Variants in ACACB observed in about 807,000 individuals in gnomAD.
ACACB encodes the protein acetyl-CoA carboxylase beta.
Under a neutral mutation model 278.8 loss-of-function variants are expected in ACACB, and 209 were observed. The observed-to-expected ratio is 0.75, with a 90% CI of 0.67 to 0.84. ACACB has a LOEUF of 0.84. ACACB is among the 40% of genes least tolerant of loss of function. The probability of loss-of-function intolerance (pLI) is 0.00; values close to 1 mark genes in which losing one functional copy is unlikely to be tolerated. For synonymous variants in ACACB, 1,174 were observed against 1,285.6 expected, an observed-to-expected ratio of 0.91 and a Z score of 1.86; for missense variants, 2,850 against 3,269.0, an observed-to-expected ratio of 0.87 and a Z score of 3.13.
In ACACB at chr12:109,223,900, T is replaced by TGGAGGTAAGCAGGAGAGGCCC; in HGVS notation, c.3879_3882+17dup. 6.8e-6 allele frequency: 11 copies of TGGAGGTAAGCAGGAGAGGCCC among 1,613,896 alleles called. No homozygotes were observed. Among genetic ancestry groups the TGGAGGTAAGCAGGAGAGGCCC allele is most frequent in the Non-Finnish European group, 9.3e-6 (11 of 1,179,770 alleles). ...AACAAAGTCGTGTGCATGGCGTCCT[T>TGGAGGTAAGCAGGAGAGGCCC]GGAGGTAAGCAGGAGAGGCCCAGAG... On this transcript the variant is annotated inframe_insertion, in exon 27 of 53. Transcript: ENST00000338432.
intron 28 of ACACB, among the ~76,000 whole-genome samples, chr12:109,227,756 G>A (rs1221980971): frequency 1.3e-5 from 2 of 152,260 alleles, no homozygotes; most frequent in Non-Finnish European, 2.9e-5. Flanking sequence ...ACATGGGCCA[G>A]GCGCGGTGGC....
intron 1 of ACACB, among the ~76,000 whole-genome samples, chr12:109,133,849 ATATATATATATATATTTTTTTT>A (rs2042894074): frequency 2.3e-5 from 1 of 43,980 alleles, no homozygotes. Flanking sequence ...ATATATATAT[ATATATATATATATATTTTTTTT>A]TTTTTTTTTT....
At chr12:109,239,175 A>G (rs948338314) in intron 34 of ACACB, among the ~76,000 whole-genome samples, 1 of 152,122 alleles carries the variant, frequency 6.6e-6, no homozygotes, top group Admixed American at 6.5e-5. Context: ...CGGCCTCCCA[A>G]AGTGCTGGGA....
upstream of ACACB, chr12:109,113,485 G>A (rs1437684505): frequency 1.3e-5 from 2 of 152,222 alleles, no homozygotes; most frequent in Non-Finnish European, 2.9e-5. Flanking sequence ...AGCAAATGTT[G>A]TACTGGAAAC....
chr12:109,241,213 A>G lies in ACACB; in HGVS notation c.4954A>G (p.Thr1652Ala), dbSNP rs886638088. 1 of 1,614,206 alleles carries G rather than the reference A, an allele frequency of 6.2e-7. No homozygotes were observed. Among genetic ancestry groups the G allele is most frequent in the Non-Finnish European group, 8.5e-7 (1 of 1,180,038 alleles). Residue 1652 changes from threonine to alanine, a missense_variant, in exon 36 of 53, where the codon ACC becomes GCC. Physicochemically the swap from Thr to Ala is moderately conservative, Grantham distance 58. Around this residue, in one of 3 missense-constraint regions of ACACB, gnomAD observed 2,265 missense variants for 2,561.3 expected, o/e 0.88. Coordinates refer to ENST00000338432, the MANE Select transcript of ACACB (RefSeq NM_001093.4). The stretch of plus-strand genomic sequence containing the variant: ...TGCCGTTCCCATCCGCCTGTTCATC[A>G]CCAATGAGTCGGGCTACTACCTGGA... ...GSAVPIRLFI[T>A]NESGYYLDIS...
At chr12:109,131,896 C>T (rs573650187) in intron 1 of ACACB, among the ~76,000 whole-genome samples, 17 of 152,260 alleles carry the variant, frequency 1.1e-4, no homozygotes, top group African/African-American at 2.2e-4. Context: ...TTCTTGACCA[C>T]GGCCCCCCCA....
chr12:109,140,936 A>G (rs1004233381), intron 2 of ACACB, among the ~76,000 whole-genome samples: 2 of 121,066 alleles, frequency 1.7e-5, no homozygotes, highest in Admixed American at 1.2e-4. Context: ...TTACTCTGTC[A>G]CTCTGTTAGC....
chr12:109,144,936 T>C (rs1159290179), intron 2 of ACACB, among the ~76,000 whole-genome samples: 3 of 151,856 alleles, frequency 2.0e-5, no homozygotes, highest in Non-Finnish European at 4.4e-5. Context: ...TAATTTTTTA[T>C]ATTTTTAGTA....
Position 109,237,308 on chromosome 12 carries a change from G to A in ACACB, c.4590G>A (p.Lys1530=), listed in dbSNP as rs1243715752. Residue 1530 remains lysine, a synonymous_variant, in exon 34 of 53, where the codon AAG becomes AAA. Transcript: ENST00000338432. ...TTTACCTGGGTGCTGCCAAGGTGAA[G>A]GAAGGTGTGGAAGTGACGGACCATA... ...MHLYLGAAKV[K]EGVEVTDHRF... is the part of the protein sequence containing the mutation. The A allele has an allele frequency of 2.5e-6, 4 of 1,614,200 alleles. No homozygotes were observed. The South Asian group carries it at 4.4e-5, about 18-fold the overall frequency.
chr12:109,265,662 G>A (rs1472804043), intron 52 of ACACB, 137 bp downstream of exon 52: 59 of 1,079,616 alleles, frequency 5.5e-5, no homozygotes, highest in Non-Finnish European at 6.2e-5. Context: ...CCCCCTCCCC[G>A]CTCCCCAGCA....
chr12:109,226,415 C>T (rs1436262101), intron 27 of ACACB, among the ~76,000 whole-genome samples: 5 of 151,238 alleles, frequency 3.3e-5, no homozygotes, highest in South Asian at 2.1e-4. Flanking sequence ...TTTATCAGAA[C>T]GCGGCCAGGT....
chr12:109,130,445 C>T (rs2042794593), intron 1 of ACACB, among the ~76,000 whole-genome samples: 1 of 152,200 alleles, frequency 6.6e-6, no homozygotes, highest in South Asian at 2.1e-4. Context: ...CCAATCATGC[C>T]TCAATATAGC....
rs754541734 is a variant in ACACB at position 109,176,149 on chromosome 12, C to G, written c.1327-4C>G. Reference sequence around the variant, plus strand: ...AAAGAGGTCTGTTTGTCCTTTGCACCCAGGCAGCAGAAAGAATTGGTTTTC... The same window carrying G: ...AAAGAGGTCTGTTTGTCCTTTGCACGCAGGCAGCAGAAAGAATTGGTTTTC... On this transcript the variant is annotated splice_polypyrimidine_tract_variant and splice_region_variant and intron_variant, in intron 8 of 52. Coordinates refer to ENST00000338432, the MANE Select transcript of ACACB (RefSeq NM_001093.4). 8.1e-6 allele frequency: 13 copies of G among 1,614,044 alleles called. No individual in the cohort carries two copies. The South Asian group carries it at 1.4e-4, about 18-fold the overall frequency.
intron 18 of ACACB, among the ~76,000 whole-genome samples, chr12:109,200,779 A>C (rs921601688): frequency 6.6e-6 from 1 of 152,242 alleles, no homozygotes; most frequent in Non-Finnish European, 1.5e-5. Context: ...AATAGCAATG[A>C]AAATACATCA....
chr12:109,252,815 AAAAC>A (rs2047130966), intron 42 of ACACB, among the ~76,000 whole-genome samples, 196 bp from the exon 43 acceptor site: 1 of 152,330 alleles, frequency 6.6e-6, no homozygotes, highest in Non-Finnish European at 1.5e-5. Flanking sequence ...TAGAAACTAA[AAAAC>A]AAACAAAACA....
chr12:109,213,852 G>A (rs575589157), intron 22 of ACACB, among the ~76,000 whole-genome samples: 25 of 151,972 alleles, frequency 1.6e-4, no homozygotes, highest in African/African-American at 5.5e-4. Context: ...CCCCTGCCTC[G>A]GCCTCCCAAA....
chr12:109,120,429 G>A (rs941375529), intron 1 of ACACB, among the ~76,000 whole-genome samples: 1 of 152,178 alleles, frequency 6.6e-6, no homozygotes, highest in Middle Eastern at 3.2e-3. Flanking sequence ...ACATGGAACC[G>A]TTTCATTCCA....
chr12:109,187,004 C>T (rs1380041939), intron 12 of ACACB, among the ~76,000 whole-genome samples: 2 of 151,856 alleles, frequency 1.3e-5, no homozygotes, highest in Admixed American at 1.3e-4. Flanking sequence ...ACGGGCCGTT[C>T]TCCCAGAGGG....
Position 109,239,195 on chromosome 12 carries a change from T to G in ACACB, c.4663-635T>G, listed in dbSNP as rs7310593. Among the ~76,000 whole-genome samples, 613 of 152,312 alleles carry G rather than the reference T, an allele frequency of 4.0e-3. 3 individuals are homozygous for G. The highest frequency in any genetic ancestry group is 6.3e-3 in the Non-Finnish European group (429 of 68,018). On this transcript the variant is annotated intron_variant, in intron 34 of 52. Transcript: ENST00000338432. ...TCCCAAAGTGCTGGGATTATAGGCG[T>G]GAGCCACTGTGCCTGGCCAAGCCGT...
Sources: allele counts gnomAD v4.1 joint callset (sites outside exome capture counted in the v4.1 genomes callset), GRCh38; gene constraint gnomAD v4.1.1; regional missense constraint gnomAD v4.1.1; transcripts MANE v1.5; gene names NCBI Gene and HGNC (gene_info 2026-07-23, HGNC 2026-07-21).